The following RBKS variants were observed in gnomAD, a reference collection of about 807,000 sequenced individuals.
RBKS encodes the protein ribokinase.
RBKS carries 33 observed loss-of-function variants against 33.9 expected under a neutral mutation model. That is an observed-to-expected ratio of 0.97 (90% confidence interval 0.74 to 1.30). The LOEUF (loss-of-function observed/expected upper bound fraction) is 1.30, where lower values mean the gene tolerates loss of function less well. RBKS is among the 50% of genes most tolerant of loss of function. The pLI is 0.00. For synonymous variants in RBKS, 125 were observed against 143.0 expected (o/e 0.87, Z 0.90); for missense variants, 361 against 392.6 (o/e 0.92, Z 0.68).
chr2:27,866,301 T>TA (rs566445203), intron 1 of RBKS, among the ~76,000 whole-genome samples: 31 of 152,334 alleles, frequency 2.0e-4, no homozygotes, highest in Admixed American at 7.2e-4. Context: ...CCTCTATATG[T>TA]AATGTGTACC....
At chr2:27,856,046 T>A (rs567146709) in intron 2 of RBKS, among the ~76,000 whole-genome samples, 1 of 152,364 alleles carries the variant, frequency 6.6e-6, no homozygotes, top group Admixed American at 6.5e-5. Flanking sequence ...TAAAAATGTA[T>A]CTCACAATGG....
At chr2:27,838,294 A>G (rs1017557674) in intron 5 of RBKS, among the ~76,000 whole-genome samples, 3 of 152,190 alleles carry the variant, frequency 2.0e-5, no homozygotes, top group Non-Finnish European at 2.9e-5. Context: ...AAGACTGGCC[A>G]CATGTTGGTA....
chr2:27,887,855 C>T lies in RBKS; in HGVS notation c.89+2402G>A, dbSNP rs535797919. On this transcript the variant is annotated intron_variant, in intron 1 of 7. Transcript: ENST00000302188. ...TATGGCCAAGAGGAGAAATTCTTCT[C>T]TGGGCTTCAGTTTATTTATCTAAAA... Among the ~76,000 whole-genome samples the T allele has an allele frequency of 4.9e-4, 74 of 152,220 alleles. 2 individuals carry two copies. The highest frequency in any genetic ancestry group is 2.1e-3 in the South Asian group (10 of 4,824).
chr2:27,811,944 G>T (rs1347882461), intron 7 of RBKS, among the ~76,000 whole-genome samples: 1 of 152,154 alleles, frequency 6.6e-6, no homozygotes, highest in Non-Finnish European at 1.5e-5. Flanking sequence ...CAGAGAAACA[G>T]CAACAAATCC....
At chr2:27,816,667 C>T (rs1258724139) in intron 7 of RBKS, among the ~76,000 whole-genome samples, 4 of 151,968 alleles carry the variant, frequency 2.6e-5, no homozygotes, top group Non-Finnish European at 5.9e-5. Flanking sequence ...AGGCTGGTCT[C>T]GGCTCACTGC....
chr2:27,837,862 A>C lies in RBKS; in HGVS notation c.515-5085T>G, dbSNP rs1238942926. ...GCACAGGTTGAAAAGCTACCTATTG[A>C]GTACCGTGCTCCCTACCTGGGCGCA... is the stretch of plus-strand genomic sequence containing the variant. On this transcript the variant is annotated intron_variant, in intron 5 of 7. Transcript: ENST00000302188. The surrounding 1 kb of genome is among the most constrained non-coding windows in gnomAD (Gnocchi z 4.0). Among the ~76,000 whole-genome samples, 1 of 152,160 alleles carries C rather than the reference A, an allele frequency of 6.6e-6. No individual in the cohort carries two copies. The highest frequency in any genetic ancestry group is 1.5e-5 in the Non-Finnish European group (1 of 68,036).
At chr2:27,814,699 C>T (rs1678054701) in intron 7 of RBKS, among the ~76,000 whole-genome samples, 1 of 152,130 alleles carries the variant, frequency 6.6e-6, no homozygotes, top group Non-Finnish European at 1.5e-5. Context: ...GTTTGCTTGA[C>T]CAAGGAAAGA....
At chr2:27,806,172 C>T (rs1320760374) in intron 7 of RBKS, among the ~76,000 whole-genome samples, 1 of 152,170 alleles carries the variant, frequency 6.6e-6, no homozygotes. Flanking sequence ...GCGTGAGCCA[C>T]CAGGACCGAC....
intron 5 of RBKS, among the ~76,000 whole-genome samples, chr2:27,834,038 C>A (rs1678471125): frequency 6.6e-6 from 1 of 152,218 alleles, no homozygotes; most frequent in African/African-American, 2.4e-5. Context: ...TGACCTCAAA[C>A]CCACTGAATC....
chr2:27,827,622 G>A lies in RBKS; in HGVS notation c.740C>T (p.Thr247Ile), dbSNP rs1409450285. ...GGGAATGTGCTTTGGCTCAGGTTCT[G>A]TCTGTGACAGCACCACACATCCTTC... ...GAEGCVVLSQ[T>I]EPEPKHIPTE... is the part of the protein sequence containing the mutation. Residue 247 changes from threonine (T) to isoleucine (I), a missense_variant, in exon 7 of 8, where the codon ACA becomes ATA. Coordinates refer to ENST00000302188, the MANE Select transcript of RBKS (RefSeq NM_022128.3). The A allele has an allele frequency of 1.2e-6, 2 of 1,612,612 alleles. No homozygotes were observed. Among genetic ancestry groups the A allele is most frequent in the Admixed American group, 1.7e-5 (1 of 59,672 alleles).
intron 5 of RBKS, among the ~76,000 whole-genome samples, chr2:27,840,532 C>CGT (rs1183658348): frequency 2.2e-4 from 33 of 151,294 alleles, no homozygotes; most frequent in African/African-American, 4.9e-4. Flanking sequence ...CATGTGTGTT[C>CGT]GTGTGTGTGT....
chr2:27,827,711 A>G lies in RBKS; in HGVS notation c.651T>C (p.Ala217=). The G allele has an allele frequency of 6.2e-7, 1 of 1,612,676 alleles. No individual in the cohort carries two copies. The highest frequency in any genetic ancestry group is 1.1e-5 in the South Asian group (1 of 90,878). ...TGLTVGSAAD[A]GEAALVLLKR... ...TCAAGAGCACTAATGCAGCCTCCCCAGCATCTGCAGCGCTGCCCACCGTGA... is the reference window on the plus strand; with the variant it reads ...TCAAGAGCACTAATGCAGCCTCCCCGGCATCTGCAGCGCTGCCCACCGTGA... Residue 217 remains alanine (A), a synonymous_variant, in exon 7 of 8, where the codon GCT becomes GCC. Transcript: ENST00000302188.
intron 7 of RBKS, among the ~76,000 whole-genome samples, chr2:27,801,960 AAAAATATATAT>A (rs1298660365): frequency 1.5e-5 from 1 of 68,854 alleles, no homozygotes; most frequent in South Asian, 6.1e-4. Context: ...GAAAAAAAAA[AAAAATATATAT>A]ATATATATAT....
intron 7 of RBKS, among the ~76,000 whole-genome samples, chr2:27,800,386 C>A (rs1677751244): frequency 6.6e-6 from 1 of 152,140 alleles, no homozygotes; most frequent in African/African-American, 2.4e-5. Context: ...CCTAATTTCA[C>A]CACTTACTAG....
chr2:27,874,967 T>C (rs796283317), intron 1 of RBKS, among the ~76,000 whole-genome samples: 5 of 152,352 alleles, frequency 3.3e-5, no homozygotes, highest in African/African-American at 1.2e-4. Context: ...TACATTTTCT[T>C]TTCTTTGAAC....
Position 27,843,217 on chromosome 2 carries a change from C to A in RBKS, c.364G>T (p.Val122Phe), listed in dbSNP as rs1408936575. ...AGTAAATTTGCTCCAGCCACTATGA[C>A]AATGATATTCTGGCCTATAAAGAAA... ...IVNNEGQNIIVIVAGANLLLN... is the reference protein window; with the variant it reads ...IVNNEGQNIIFIVAGANLLLN... The change falls in exon 5 of 8, where the codon GTC becomes TTC. Residue 122 changes from valine to phenylalanine, a missense_variant. Physicochemically the swap from Val to Phe is conservative, Grantham distance 50. Coordinates refer to ENST00000302188, the MANE Select transcript of RBKS (RefSeq NM_022128.3). 1.2e-6 allele frequency: 2 copies of A among 1,607,768 alleles called. No individual in the cohort carries two copies. The highest frequency in any genetic ancestry group is 1.7e-6 in the Non-Finnish European group (2 of 1,177,426).
intron 2 of RBKS, among the ~76,000 whole-genome samples, chr2:27,852,983 A>G (rs1663782595): frequency 6.6e-6 from 1 of 152,202 alleles, no homozygotes; most frequent in African/African-American, 2.4e-5. Context: ...TTGTGGCCTT[A>G]TAACAAAATA....
At chr2:27,786,238 T>C (rs1281087042) in intron 7 of RBKS, among the ~76,000 whole-genome samples, 4 of 152,222 alleles carry the variant, frequency 2.6e-5, no homozygotes, top group Non-Finnish European at 4.4e-5. Flanking sequence ...GACAGTGGTC[T>C]TTTCTTCTTT....
At chr2:27,888,017 A>G (rs1664575336) in intron 1 of RBKS, among the ~76,000 whole-genome samples, 1 of 152,170 alleles carries the variant, frequency 6.6e-6, no homozygotes, top group Non-Finnish European at 1.5e-5. Context: ...TATTTTTAGT[A>G]TCTGATGGTC....
Sources: allele counts gnomAD v4.1 joint callset (sites outside exome capture counted in the v4.1 genomes callset), GRCh38; gene constraint gnomAD v4.1.1; non-coding constraint Gnocchi (gnomAD v3.1); transcripts MANE v1.5; gene names NCBI Gene and HGNC (gene_info 2026-07-23, HGNC 2026-07-21).